The following PTPRD variants were observed in gnomAD, a reference collection of about 807,000 sequenced individuals.
PTPRD encodes the protein protein tyrosine phosphatase receptor type D, also known as receptor-type tyrosine-protein phosphatase delta.
A neutral mutation model predicts 214.5 loss-of-function variants in PTPRD; 34 were observed. That is an observed-to-expected ratio of 0.16 (90% CI 0.12 to 0.21). PTPRD has a LOEUF of 0.21. Ranked by LOEUF, PTPRD falls within the 10% of genes least tolerant of loss-of-function variation. The probability of loss-of-function intolerance (pLI) is 1.00; values close to 1 mark genes in which losing one functional copy is unlikely to be tolerated. For synonymous variants in PTPRD, 1,128 were observed against 845.7 expected (o/e 1.33, Z -5.79); for missense variants, 2,545 against 2,398.7 (o/e 1.06, Z -1.27).
intron 12 of PTPRD, among the ~76,000 whole-genome samples, chr9:8,652,644 G>A (rs1362570169): frequency 6.6e-6 from 1 of 152,166 alleles, no homozygotes; most frequent in African/African-American, 2.4e-5. Flanking sequence ...ATAAATACTA[G>A]GGATTCCACT....
At chr9:10,107,017 A>G (rs2098640021) in intron 3 of PTPRD, among the ~76,000 whole-genome samples, 1 of 151,948 alleles carries the variant, frequency 6.6e-6, no homozygotes, top group African/African-American at 2.4e-5. Flanking sequence ...TGAGGAAGAA[A>G]TCGATGATGA....
intron 14 of PTPRD, among the ~76,000 whole-genome samples, chr9:8,619,892 G>A (rs1347233874): frequency 6.6e-6 from 1 of 152,002 alleles, no homozygotes; most frequent in African/African-American, 2.4e-5. Flanking sequence ...ATATGAAGTA[G>A]TAAATACAGA....
At chr9:10,525,948 T>C (rs2054157824) in intron 2 of PTPRD, among the ~76,000 whole-genome samples, 1 of 152,062 alleles carries the variant, frequency 6.6e-6, no homozygotes, top group South Asian at 2.1e-4. Flanking sequence ...ACTAACCTCA[T>C]GCGGTTATTT....
chr9:9,638,594 T>C (rs939430913), intron 7 of PTPRD, among the ~76,000 whole-genome samples: 3 of 152,188 alleles, frequency 2.0e-5, no homozygotes, highest in East Asian at 1.9e-4. Flanking sequence ...GCTCCATTCA[T>C]AGCAAAGTAG....
At chr9:9,509,910 T>G (rs112382689) in intron 8 of PTPRD, among the ~76,000 whole-genome samples, 134 of 151,866 alleles carry the variant, frequency 8.8e-4, no homozygotes, top group Non-Finnish European at 1.7e-3. Context: ...GTGCCTTGTA[T>G]CTAATGTAAC....
intron 4 of PTPRD, among the ~76,000 whole-genome samples, chr9:10,010,296 T>C (rs2096569448): frequency 1.3e-5 from 2 of 151,964 alleles, no homozygotes. Flanking sequence ...ATTTACATAG[T>C]AATTTTCTCA....
chr9:9,679,820 G>A (rs1441061904), intron 7 of PTPRD, among the ~76,000 whole-genome samples: 1 of 151,824 alleles, frequency 6.6e-6, no homozygotes, highest in East Asian at 1.9e-4. Flanking sequence ...ACAAATTGAA[G>A]GTGTAGAAAA....
chr9:9,699,355 T>C (rs2097446206), intron 7 of PTPRD, among the ~76,000 whole-genome samples: 1 of 152,198 alleles, frequency 6.6e-6, no homozygotes, highest in Non-Finnish European at 1.5e-5. Context: ...TATCTTTTAA[T>C]AAAATATTTT....
chr9:8,973,470 A>T lies in PTPRD; in HGVS notation c.-104+45227T>A, dbSNP rs149082761. ...TTTCTTTATCCAATCCACCGTTGAT[A>T]GGTACCTAGGTTGATTCCATGTCTT... On this transcript the variant is annotated intron_variant, in intron 11 of 45. Transcript: ENST00000381196. Among the ~76,000 whole-genome samples, 32 of 152,102 alleles carry T rather than the reference A, an allele frequency of 2.1e-4. No individual in the cohort carries two copies. In the East Asian group the frequency reaches 6.0e-3, roughly 29 times the overall value.
chr9:8,849,748 G>A (rs2097776341), intron 11 of PTPRD, among the ~76,000 whole-genome samples: 1 of 152,158 alleles, frequency 6.6e-6, no homozygotes, highest in African/African-American at 2.4e-5. Flanking sequence ...GAGTATCACA[G>A]GGCTATGGTG....
intron 2 of PTPRD, among the ~76,000 whole-genome samples, chr9:10,451,954 G>A (rs954408790): frequency 1.6e-4 from 25 of 151,938 alleles, no homozygotes; most frequent in African/African-American, 5.6e-4. Flanking sequence ...AGAAGGAGAA[G>A]CAAATATGAA....
At chr9:10,491,125 A>G (rs561427617) in intron 2 of PTPRD, among the ~76,000 whole-genome samples, 1 of 152,210 alleles carries the variant, frequency 6.6e-6, no homozygotes, top group Non-Finnish European at 1.5e-5. Flanking sequence ...AAGCATATCC[A>G]GGATATCCTG....
At chr9:8,819,508 A>C (rs2154526078) in intron 11 of PTPRD, among the ~76,000 whole-genome samples, 1 of 152,230 alleles carries the variant, frequency 6.6e-6, no homozygotes, top group East Asian at 1.9e-4. Context: ...TAAAAATACA[A>C]AAATTAACCA....
At chr9:8,560,987 C>A (rs1039332746) in intron 14 of PTPRD, among the ~76,000 whole-genome samples, 4 of 151,604 alleles carry the variant, frequency 2.6e-5, no homozygotes, top group African/African-American at 9.7e-5. Context: ...CAGTCAAATG[C>A]CTAGTCAGAT....
intron 24 of PTPRD, 143 bp from the exon 25 acceptor site, chr9:8,499,983 C>T (rs1419752864): frequency 4.4e-6 from 2 of 458,812 alleles, no homozygotes; most frequent in Middle Eastern, 3.5e-4. Flanking sequence ...CAAACATTTT[C>T]AACCAATGAA....
At chr9:10,137,550 G>C (rs2098950696) in intron 3 of PTPRD, among the ~76,000 whole-genome samples, 1 of 83,318 alleles carries the variant, frequency 1.2e-5, no homozygotes, top group Non-Finnish European at 2.2e-5. Flanking sequence ...GGGGACTGTG[G>C]TGGCGTCGGG....
chr9:8,674,361 G>C (rs1286697668), intron 12 of PTPRD, among the ~76,000 whole-genome samples: 1 of 150,438 alleles, frequency 6.6e-6, no homozygotes, highest in Non-Finnish European at 1.5e-5. Flanking sequence ...AGGAGACTGA[G>C]GCAGGAGAAT....
intron 11 of PTPRD, among the ~76,000 whole-genome samples, chr9:8,811,657 C>T (rs1395663967): frequency 1.3e-5 from 2 of 151,964 alleles, no homozygotes; most frequent in African/African-American, 2.4e-5. Flanking sequence ...GGCTATACTG[C>T]CTCAACTATT....
At chr9:10,419,802 A>G (rs1224795707) in intron 2 of PTPRD, among the ~76,000 whole-genome samples, 1 of 151,812 alleles carries the variant, frequency 6.6e-6, no homozygotes, top group Non-Finnish European at 1.5e-5. Flanking sequence ...TTACATTAAT[A>G]CTTCAAAGCA....
Sources: allele counts gnomAD v4.1 joint callset (sites outside exome capture counted in the v4.1 genomes callset), GRCh38; gene constraint gnomAD v4.1.1; transcripts MANE v1.5; gene names NCBI Gene and HGNC (gene_info 2026-07-23, HGNC 2026-07-21).